Variants in NHSL2 observed in about 807,000 individuals in gnomAD.
The protein encoded by NHSL2 is NHS like 2.
Under a neutral mutation model 53.4 loss-of-function variants are expected in NHSL2, and 27 were observed. That is an observed-to-expected ratio of 0.51 (90% confidence interval 0.37 to 0.70). NHSL2 has a LOEUF of 0.70. Among genes scored for constraint, NHSL2 ranks in the 30% least tolerant of loss-of-function variants. The pLI is 0.00. For missense variants in NHSL2, 892 were observed against 980.1 expected, an observed-to-expected ratio of 0.91 and a Z score of 1.20; for synonymous variants, 408 against 404.1, an observed-to-expected ratio of 1.01 and a Z score of -0.12.
At chrX:72,107,335 C>T (rs1174661741) in intron 1 of NHSL2, among the ~76,000 whole-genome samples, 1 of 112,002 alleles carries the variant, frequency 8.9e-6, no homozygotes, top group African/African-American at 3.3e-5. Context: ...TCCCAATGCA[C>T]TTTCTTAAAA....
rs374829440 is a variant in NHSL2 at position 72,043,881 on chromosome X, G to A, written c.281-88198G>A. Among the ~76,000 whole-genome samples, 22 of 112,059 alleles carry A rather than the reference G, an allele frequency of 2.0e-4. No homozygotes were observed. The East Asian group carries it at 5.9e-3, about 30-fold the overall frequency. On this transcript the variant is annotated intron_variant, in intron 1 of 7. Coordinates refer to ENST00000633930, the MANE Select transcript of NHSL2 (RefSeq NM_001013627.3). The stretch of plus-strand genomic sequence containing the variant: ...GTACTAAATAAACTGACCAAGCCAC[G>A]AGGAAACCGGCTGAGTCCTACGTGA...
chrX:71,984,071 C>G (rs1216411343), intron 1 of NHSL2, among the ~76,000 whole-genome samples: 1 of 111,126 alleles, frequency 9.0e-6, no homozygotes, highest in East Asian at 2.8e-4. Flanking sequence ...CTGACATTTC[C>G]CCCCTCACTT....
At chrX:72,134,772 A>G (rs1332319294) in intron 4 of NHSL2, 68 bp downstream of exon 4, 2 of 800,282 alleles carry the variant, frequency 2.5e-6, no homozygotes, top group East Asian at 6.9e-5. Context: ...TCTTTGATGC[A>G]CTGGGTATTG....
intron 1 of NHSL2, among the ~76,000 whole-genome samples, chrX:71,981,828 G>C (rs749725128): frequency 9.1e-4 from 102 of 111,911 alleles, no homozygotes; most frequent in African/African-American, 3.2e-3. Flanking sequence ...AATAAGTGTT[G>C]ACAAGGATGT....
At chrX:71,932,376 A>T (rs1225166723) in intron 1 of NHSL2, among the ~76,000 whole-genome samples, 1 of 110,259 alleles carries the variant, frequency 9.1e-6, no homozygotes, top group East Asian at 2.9e-4. Flanking sequence ...CCTGAGGGGG[A>T]CCAATTCTAC....
intron 1 of NHSL2, among the ~76,000 whole-genome samples, chrX:72,048,916 G>A (rs1314285213): frequency 9.2e-6 from 1 of 108,352 alleles, no homozygotes; most frequent in Non-Finnish European, 1.9e-5. Flanking sequence ...TAGAGGCCAG[G>A]AGTTCAAAGT....
rs1279097947 is a variant in NHSL2, at chrX:72,049,599, G to A, written c.281-82480G>A. On this transcript the variant is annotated intron_variant, in intron 1 of 7. Transcript: ENST00000633930. ...ACTCATGAGATTTTCATGTTTTAGG[G>A]GCATGTCTTGCCTAAGCCTCCTGAC... Among the ~76,000 whole-genome samples the A allele has an allele frequency of 3.7e-5, 4 of 108,678 alleles. No homozygotes were observed. The Admixed American group carries it at 4.0e-4, about 11-fold the overall frequency. The allele number at this position is 108,678 out of a possible 115,157, so 94.4% of individuals were successfully genotyped here. A position where few individuals can be genotyped will look rare whatever the true frequency, so the allele number is the denominator to read the frequency against.
chrX:71,996,823 G>A, intron 1 of NHSL2, among the ~76,000 whole-genome samples: 1 of 111,684 alleles, frequency 9.0e-6, no homozygotes, highest in South Asian at 3.8e-4. Context: ...GCTCCATCCA[G>A]GCCACAGGTG....
At chrX:72,011,412 C>A (rs1347311282) in intron 1 of NHSL2, among the ~76,000 whole-genome samples, 1 of 112,571 alleles carries the variant, frequency 8.9e-6, no homozygotes, top group Admixed American at 9.4e-5. Context: ...TGGCTCACAC[C>A]TGTAATCCCA....
At chrX:71,957,122 C>T (rs891370372) in intron 1 of NHSL2, among the ~76,000 whole-genome samples, 3 of 112,193 alleles carry the variant, frequency 2.7e-5, no homozygotes, top group African/African-American at 9.7e-5. Context: ...GTTCAGTAAA[C>T]CCCATGGCGG....
intron 4 of NHSL2, among the ~76,000 whole-genome samples, chrX:72,136,273 T>A (rs187575405): frequency 0.027 from 2,990 of 111,481 alleles, 62 homozygotes; most frequent in East Asian, 0.14. Context: ...CTCTAAAAAA[T>A]TTTTTTAATA....
At position 72,112,702 on chromosome X, in the gene NHSL2, T is replaced by G. The variant is rs2042103311; in HGVS notation, c.281-19377T>G. ...GGATCAGAACTTCATTCCTTTTTTT[T>G]TCTTTGAGATGCAGTCTCGTTCTGT... On this transcript the variant is annotated intron_variant, in intron 1 of 7. Transcript: ENST00000633930. 2.7e-5 allele frequency among the ~76,000 whole-genome samples: 3 copies of G among 111,832 alleles called. No individual in the cohort carries two copies. In the South Asian group the frequency reaches 1.1e-3, roughly 42 times the overall value.
chrX:71,937,479 G>T (rs1319271663), intron 1 of NHSL2, among the ~76,000 whole-genome samples: 1 of 112,069 alleles, frequency 8.9e-6, no homozygotes, highest in Non-Finnish European at 1.9e-5. Context: ...TTTGCATCCA[G>T]ATAATCATCA....
At chrX:72,142,998 G>A (rs1440727425) in intron 7 of NHSL2, among the ~76,000 whole-genome samples, 3 of 111,529 alleles carry the variant, frequency 2.7e-5, no homozygotes, top group Non-Finnish European at 5.7e-5. Context: ...ATTCGTCCTT[G>A]GTCCCAGAAC....
At chrX:71,988,164 G>A (rs911202127) in intron 1 of NHSL2, among the ~76,000 whole-genome samples, 9 of 111,827 alleles carry the variant, frequency 8.0e-5, no homozygotes, top group Non-Finnish European at 7.5e-5. Context: ...AGTTGCTCAC[G>A]GAGGCCAGAG....
intron 1 of NHSL2, among the ~76,000 whole-genome samples, chrX:72,009,686 T>C (rs111902592): frequency 2.6e-3 from 292 of 112,786 alleles, no homozygotes; most frequent in African/African-American, 8.9e-3. Flanking sequence ...TAGCACTTAA[T>C]ACTATCTGAC....
At chrX:71,982,393 G>A (rs1326984927) in intron 1 of NHSL2, among the ~76,000 whole-genome samples, 4 of 111,850 alleles carry the variant, frequency 3.6e-5, no homozygotes, top group Non-Finnish European at 5.6e-5. Flanking sequence ...TATATATTTG[G>A]TCTTTGTCTC....
chrX:72,106,302 A>G (rs1028863220), intron 1 of NHSL2, among the ~76,000 whole-genome samples: 2 of 112,008 alleles, frequency 1.8e-5, no homozygotes, highest in African/African-American at 6.5e-5. Flanking sequence ...TGAGTTTGCA[A>G]GATGATAGGC....
Position 72,134,564 on chromosome X carries a change from C to T in NHSL2, c.620C>T (p.Pro207Leu). The change falls in exon 4 of 8, where the codon CCC (proline) becomes CTC (leucine). Residue 207 changes from proline (P) to leucine (L), a missense_variant. By Grantham distance (98) the Pro-to-Leu change is moderately conservative. Coordinates refer to ENST00000633930, the MANE Select transcript of NHSL2 (RefSeq NM_001013627.3). ...ACTACCACCCAGGGTGTGAGGGCCC[C>T]CGAGGCCTCCCTGAGCCTGTCTACC... is the stretch of plus-strand genomic sequence containing the variant. ...DETTTQGVRA[P>L]EASLSLSTTA... The T allele has an allele frequency of 8.6e-7, 1 of 1,166,729 alleles. No homozygotes were observed. The highest frequency in any genetic ancestry group is 1.1e-6 in the Non-Finnish European group (1 of 871,601).
Sources: gnomAD v4.1 joint callset for allele counts (sites outside exome capture counted in the v4.1 genomes callset) on GRCh38, gnomAD v4.1.1 for gene constraint, MANE v1.5 for transcripts, NCBI Gene and HGNC (gene_info 2026-07-23, HGNC 2026-07-21) for gene names.